The following SMC5 variants were observed in gnomAD, a reference collection of about 807,000 sequenced individuals.
SMC5 encodes the protein structural maintenance of chromosomes 5.
Under a neutral mutation model 148.3 loss-of-function variants are expected in SMC5, and 88 were observed. The ratio of observed to expected loss-of-function variants is 0.59; its 90% CI spans 0.50 to 0.71. The LOEUF (loss-of-function observed/expected upper bound fraction) is 0.71. SMC5 is among the 30% of genes least tolerant of loss of function. SMC5 has a pLI of 0.00. For synonymous variants in SMC5, 421 were observed against 432.8 expected, an observed-to-expected ratio of 0.97 and a Z score of 0.34; for missense variants, 1,142 against 1,298.9, an observed-to-expected ratio of 0.88 and a Z score of 1.86.
chr9:70,346,524 C>A, intron 18 of SMC5, 81 bp from the exon 19 acceptor site: 1 of 1,366,680 alleles, frequency 7.3e-7, no homozygotes, highest in Non-Finnish European at 1.0e-6. Context: ...TTTTTTAGTT[C>A]TTCATAAGTG....
At chr9:70,340,245 A>T (rs940499963) in intron 17 of SMC5, among the ~76,000 whole-genome samples, 1 of 151,714 alleles carries the variant, frequency 6.6e-6, no homozygotes, top group Non-Finnish European at 1.5e-5. Context: ...TCTTCTGCCT[A>T]CCTGCTTGCC....
intron 17 of SMC5, among the ~76,000 whole-genome samples, chr9:70,340,368 GATTAA>G (rs2036486643): frequency 6.6e-6 from 1 of 151,780 alleles, no homozygotes; most frequent in Non-Finnish European, 1.5e-5. Context: ...TATTGTTTAT[GATTAA>G]ATTAGTTTAA....
At chr9:70,282,315 T>C (rs539330065) in intron 6 of SMC5, 107 bp from the exon 7 acceptor site, 10 of 1,216,986 alleles carry the variant, frequency 8.2e-6, no homozygotes, top group South Asian at 1.9e-5. Flanking sequence ...TGTTTTGATA[T>C]CAAAACAATC....
chr9:70,336,523 G>A (rs191037159), intron 17 of SMC5, among the ~76,000 whole-genome samples: 6 of 152,282 alleles, frequency 3.9e-5, no homozygotes, highest in Admixed American at 2.0e-4. Flanking sequence ...ATAGGTAGTC[G>A]GTGTCCAGCA....
intron 8 of SMC5, among the ~76,000 whole-genome samples, chr9:70,287,686 C>T (rs921740006): frequency 7.2e-5 from 11 of 152,120 alleles, no homozygotes; most frequent in African/African-American, 2.4e-4. Flanking sequence ...CACAAATGTT[C>T]ACAGAAGCAT....
At chr9:70,260,339 T>C (rs1389954933) in intron 1 of SMC5, among the ~76,000 whole-genome samples, 1 of 152,186 alleles carries the variant, frequency 6.6e-6, no homozygotes, top group Non-Finnish European at 1.5e-5. Context: ...ACTTTTGACC[T>C]CAGGTGATCT....
chr9:70,352,178 T>G lies in SMC5; in HGVS notation c.3166-13T>G. ...TATATAGCTTATATGACAATTTGTT[T>G]TAATACTTACAGCTCCTGCAAAATC... On this transcript the variant is annotated splice_polypyrimidine_tract_variant and intron_variant, in intron 24 of 24. Coordinates refer to ENST00000361138, the MANE Select transcript of SMC5 (RefSeq NM_015110.4). 6.2e-7 allele frequency: 1 copy of G among 1,601,214 alleles called. No individual in the cohort carries two copies. Among genetic ancestry groups the G allele is most frequent in the Non-Finnish European group, 8.5e-7 (1 of 1,175,138 alleles).
At chr9:70,286,590 A>G (rs750842001) in intron 8 of SMC5, among the ~76,000 whole-genome samples, 2 of 152,228 alleles carry the variant, frequency 1.3e-5, no homozygotes, top group African/African-American at 4.8e-5. Flanking sequence ...GTTGTTGTTT[A>G]AAACACAGAA....
chr9:70,310,439 T>C (rs908705146), intron 11 of SMC5, among the ~76,000 whole-genome samples: 4 of 152,150 alleles, frequency 2.6e-5, no homozygotes, highest in Non-Finnish European at 2.9e-5. Flanking sequence ...GTCTCAACAG[T>C]GGGCTTAAAA....
rs149821413 is a variant in SMC5, at chr9:70,350,396, A to G, written c.3090A>G (p.Glu1030=). Residue 1030 remains glutamate (E), a synonymous_variant, in exon 24 of 25, where the codon GAA becomes GAG. Coordinates refer to ENST00000361138, the MANE Select transcript of SMC5 (RefSeq NM_015110.4). ...TTTAGGGAATGGACCCAATCAATGA[A>G]CGGAGAGTGTTTGAAATGGTTGTAA... ...EINQGMDPIN[E]RRVFEMVVNT... The G allele has an allele frequency of 4.5e-5, 73 of 1,608,892 alleles. No homozygotes were observed. The highest frequency in any genetic ancestry group is 6.0e-5 in the Non-Finnish European group (71 of 1,178,616).
chr9:70,339,000 T>A (rs981827915), intron 17 of SMC5, among the ~76,000 whole-genome samples: 12 of 152,124 alleles, frequency 7.9e-5, no homozygotes, highest in Admixed American at 3.9e-4. Context: ...TAAAAAAAAA[T>A]AAAATAAAAT....
intron 15 of SMC5, among the ~76,000 whole-genome samples, chr9:70,322,043 A>G (rs1443290542): frequency 6.6e-6 from 1 of 152,210 alleles, no homozygotes; most frequent in Non-Finnish European, 1.5e-5. Context: ...TTCTAAACAC[A>G]TTTATAAATT....
chr9:70,264,726 A>C (rs2034230695), intron 2 of SMC5, among the ~76,000 whole-genome samples: 1 of 152,152 alleles, frequency 6.6e-6, no homozygotes, highest in Admixed American at 6.5e-5. Flanking sequence ...GGAACAGTGA[A>C]GTAAACTTAC....
chr9:70,313,353 G>A (rs929649479), intron 11 of SMC5, among the ~76,000 whole-genome samples: 1 of 152,050 alleles, frequency 6.6e-6, no homozygotes, highest in Non-Finnish European at 1.5e-5. Context: ...TTTCTTGAAC[G>A]TGTGTATATA....
At chr9:70,308,590 CAAAAAAAAAAAAA>C (rs59441324) in intron 11 of SMC5, among the ~76,000 whole-genome samples, 70 of 72,254 alleles carry the variant, frequency 9.7e-4, no homozygotes, top group East Asian at 3.4e-3. Flanking sequence ...GACTCTGTCT[CAAAAAAAAAAAAA>C]AAAAAAAAAA....
chr9:70,293,077 A>G (rs982406500), intron 8 of SMC5, among the ~76,000 whole-genome samples: 8 of 152,062 alleles, frequency 5.3e-5, no homozygotes, highest in Non-Finnish European at 1.2e-4. Flanking sequence ...ATGTTTATAT[A>G]CTTTAAACAT....
intron 3 of SMC5, among the ~76,000 whole-genome samples, chr9:70,270,459 T>C (rs574485589): frequency 6.6e-6 from 1 of 152,080 alleles, no homozygotes; most frequent in East Asian, 1.9e-4. Context: ...TCCCAGAGGA[T>C]GGGGAGTAGG....
In SMC5 at chr9:70,350,382, G is replaced by C; in HGVS notation, c.3076G>C (p.Asp1026His). 6.2e-7 allele frequency: 1 copy of C among 1,610,124 alleles called. No individual in the cohort carries two copies. Residue 1026 changes from aspartate to histidine, a missense_variant, in exon 24 of 25, where the codon GAC (aspartate) becomes CAC (histidine). Physicochemically the swap from Asp to His is moderately conservative, Grantham distance 81. This residue lies in a region of SMC5 where 30 missense variants were observed against 65.3 expected (regional missense o/e 0.46). Transcript: ENST00000361138. ...TATTGTTGCCATTGTTTAGGGAATGGACCCAATCAATGAACGGAGAGTGTT... is the reference window on the plus strand; with the variant it reads ...TATTGTTGCCATTGTTTAGGGAATGCACCCAATCAATGAACGGAGAGTGTT... ...RVVDEINQGM[D>H]PINERRVFEM...
chr9:70,319,129 G>A (rs1459864599), intron 15 of SMC5, among the ~76,000 whole-genome samples, 166 bp downstream of exon 15: 1 of 152,132 alleles, frequency 6.6e-6, no homozygotes, highest in Non-Finnish European at 1.5e-5. Context: ...AGGGCAAAAG[G>A]AGATGAATCT....
Sources: gnomAD v4.1 joint callset for allele counts (sites outside exome capture counted in the v4.1 genomes callset) on GRCh38, gnomAD v4.1.1 for gene constraint, gnomAD v4.1.1 regional missense constraint, MANE v1.5 for transcripts, NCBI Gene and HGNC (gene_info 2026-07-23, HGNC 2026-07-21) for gene names.